Variants in METTL15 observed in about 807,000 individuals in gnomAD.
METTL15 encodes the protein methyltransferase 15, mitochondrial 12S rRNA N4-cytidine.
METTL15 carries 34 observed loss-of-function variants against 38.3 expected under a neutral mutation model. The ratio of observed to expected loss-of-function variants is 0.89; its 90% CI spans 0.68 to 1.18. The LOEUF is 1.18. METTL15 is among the 50% of genes most tolerant of loss of function. METTL15 has a pLI of 0.00. For missense variants in METTL15, 438 were observed against 498.4 expected, an observed-to-expected ratio of 0.88 and a Z score of 1.15; for synonymous variants, 162 against 170.9, an observed-to-expected ratio of 0.95 and a Z score of 0.41.
intron 4 of METTL15, among the ~76,000 whole-genome samples, chr11:28,283,834 C>A (rs1047235453): frequency 2.0e-5 from 3 of 152,012 alleles, no homozygotes; most frequent in African/African-American, 7.3e-5. Flanking sequence ...CTGGAGAACA[C>A]AGGATGTTAC....
chr11:28,399,480 A>G (rs1850608634), intron 5 of METTL15, among the ~76,000 whole-genome samples: 3 of 151,960 alleles, frequency 2.0e-5, no homozygotes. Context: ...TATTTGCATA[A>G]GGTGTGATCA....
At chr11:28,501,959 G>A (rs1163273634) in intron 6 of METTL15, among the ~76,000 whole-genome samples, 2 of 152,090 alleles carry the variant, frequency 1.3e-5, no homozygotes, top group Non-Finnish European at 2.9e-5. Flanking sequence ...AAGTTAGCCG[G>A]GCGTGGTGGC....
intron 4 of METTL15, among the ~76,000 whole-genome samples, chr11:28,217,638 C>G (rs565289226): frequency 6.6e-6 from 1 of 152,288 alleles, no homozygotes; most frequent in South Asian, 2.1e-4. Flanking sequence ...TTACCCATGC[C>G]TATGTCCTGA....
chr11:28,152,204 A>G (rs1161195628), intron 3 of METTL15, among the ~76,000 whole-genome samples: 1 of 151,686 alleles, frequency 6.6e-6, no homozygotes. Flanking sequence ...AAATGATATA[A>G]TTAGTTTTAT....
intron 3 of METTL15, among the ~76,000 whole-genome samples, chr11:28,115,376 A>T (rs1565101451): frequency 6.6e-6 from 1 of 151,232 alleles, no homozygotes; most frequent in South Asian, 2.1e-4. Flanking sequence ...CTCCTGCCTC[A>T]GCCTCCCGAG....
chr11:28,449,427 G>A (rs981296638), intron 6 of METTL15, among the ~76,000 whole-genome samples: 1 of 152,110 alleles, frequency 6.6e-6, no homozygotes, highest in African/African-American at 2.4e-5. Flanking sequence ...TAATCTAAGG[G>A]TTTACAGAAT....
chr11:28,461,462 T>A (rs553720751), intron 6 of METTL15, among the ~76,000 whole-genome samples: 16 of 152,236 alleles, frequency 1.1e-4, no homozygotes, highest in Middle Eastern at 3.4e-3. Context: ...ATTTCATGTT[T>A]TTTTCTTCTT....
intron 5 of METTL15, among the ~76,000 whole-genome samples, chr11:28,394,196 T>C (rs1564918572): frequency 1.3e-5 from 2 of 152,022 alleles, no homozygotes; most frequent in Non-Finnish European, 2.9e-5. Context: ...GAAGGAACAA[T>C]CTTGAGCAAT....
At chr11:28,221,072 GTGTTCTC>G (rs1853190764) in intron 4 of METTL15, among the ~76,000 whole-genome samples, 1 of 152,024 alleles carries the variant, frequency 6.6e-6, no homozygotes, top group East Asian at 1.9e-4. Flanking sequence ...TATCTTTGTG[GTGTTCTC>G]TGTGTTTCCT....
chr11:28,139,474 G>A (rs1849623727), intron 3 of METTL15, among the ~76,000 whole-genome samples: 1 of 152,140 alleles, frequency 6.6e-6, no homozygotes, highest in Non-Finnish European at 1.5e-5. Context: ...GTGCCAATGT[G>A]GCTTTTCACC....
chr11:28,143,674 A>G (rs1849778539), intron 3 of METTL15, among the ~76,000 whole-genome samples: 1 of 152,216 alleles, frequency 6.6e-6, no homozygotes, highest in African/African-American at 2.4e-5. Flanking sequence ...AGGAAGGGGA[A>G]AGTCAGAGAA....
At chr11:28,389,262 C>T (rs1010931804) in intron 5 of METTL15, among the ~76,000 whole-genome samples, 25 of 150,404 alleles carry the variant, frequency 1.7e-4, no homozygotes, top group Middle Eastern at 6.9e-3. Flanking sequence ...TTAAGTTTTA[C>T]GGTACATGTG....
intron 5 of METTL15, among the ~76,000 whole-genome samples, chr11:28,375,921 T>G (rs1173909828): frequency 5.3e-5 from 8 of 152,258 alleles, no homozygotes; most frequent in Admixed American, 5.2e-4. Flanking sequence ...CATTTCGTTA[T>G]GTACCCAGTA....
chr11:28,432,119 C>T (rs1850937660), intron 6 of METTL15, among the ~76,000 whole-genome samples: 1 of 152,146 alleles, frequency 6.6e-6, no homozygotes, highest in African/African-American at 2.4e-5. Context: ...GTGTGCCATG[C>T]AAGGAGTTAT....
At chr11:28,429,251 T>C (rs11030332) in intron 6 of METTL15, among the ~76,000 whole-genome samples, 64,350 of 152,108 alleles carry the variant, frequency 0.42, 15,012 homozygotes, top group Admixed American at 0.54. Context: ...GGAGATAATG[T>C]ATGTCCTTAG....
At chr11:28,227,224 C>T (rs927857624) in intron 4 of METTL15, among the ~76,000 whole-genome samples, 6 of 151,700 alleles carry the variant, frequency 4.0e-5, no homozygotes, top group African/African-American at 2.4e-5. Context: ...CTAGTTTTGA[C>T]GGTTCCAGAG....
intron 5 of METTL15, among the ~76,000 whole-genome samples, chr11:28,407,798 A>G (rs1032610296): frequency 6.6e-6 from 1 of 152,208 alleles, no homozygotes; most frequent in African/African-American, 2.4e-5. Context: ...CAGCAATCCC[A>G]TTACTGGATA....
chr11:28,345,423 C>T (rs1379648242), intron 3 of METTL15, among the ~76,000 whole-genome samples: 2 of 152,190 alleles, frequency 1.3e-5, no homozygotes, highest in Non-Finnish European at 2.9e-5. Context: ...CTTCTGACCT[C>T]AGGTGATCCA....
chr11:28,283,104 A>G (rs1245261750), intron 4 of METTL15, among the ~76,000 whole-genome samples: 2 of 152,154 alleles, frequency 1.3e-5, no homozygotes, highest in Non-Finnish European at 2.9e-5. Flanking sequence ...ATTTAATACT[A>G]TTGGTTAGGC....
Sources: allele counts gnomAD v4.1 joint callset (sites outside exome capture counted in the v4.1 genomes callset), GRCh38; gene constraint gnomAD v4.1.1; transcripts MANE v1.5; gene names NCBI Gene and HGNC (gene_info 2026-07-23, HGNC 2026-07-21).